Variants in DNAAF11 observed in about 807,000 individuals in gnomAD.
DNAAF11 encodes dynein axonemal assembly factor 11, also known as leucine rich repeat containing 6.
DNAAF11 carries 45 observed loss-of-function variants against 60.8 expected under a neutral mutation model. The observed-to-expected ratio is 0.74, with a 90% CI of 0.58 to 0.95. The LOEUF (loss-of-function observed/expected upper bound fraction) is 0.95, where lower values mean the gene tolerates loss of function less well. Among genes scored for constraint, DNAAF11 ranks in the 40% least tolerant of loss-of-function variants. The probability of loss-of-function intolerance (pLI) is 0.00; values close to 1 mark genes in which losing one functional copy is unlikely to be tolerated. For missense variants in DNAAF11, 546 were observed against 546.2 expected, an observed-to-expected ratio of 1.00 and a Z score of 0.00; for synonymous variants, 191 against 183.5, an observed-to-expected ratio of 1.04 and a Z score of -0.33.
chr8:132,575,187 G>GC (rs1814612443), intron 11 of DNAAF11, among the ~76,000 whole-genome samples: 1 of 152,112 alleles, frequency 6.6e-6, no homozygotes, highest in South Asian at 2.1e-4. Flanking sequence ...TAAGCTGTTG[G>GC]CCCTTGTGAA....
chr8:132,651,002 T>G (rs1204512825), intron 3 of DNAAF11, among the ~76,000 whole-genome samples: 1 of 152,228 alleles, frequency 6.6e-6, no homozygotes, highest in Non-Finnish European at 1.5e-5. Flanking sequence ...TATGAACAAT[T>G]CTTGCCAAAC....
chr8:132,595,037 C>T (rs898241337), intron 10 of DNAAF11, among the ~76,000 whole-genome samples: 1 of 152,118 alleles, frequency 6.6e-6, no homozygotes, highest in Non-Finnish European at 1.5e-5. Context: ...CCTTCACCTT[C>T]CACCATGATC....
chr8:132,668,670 T>C (rs1190954771), intron 1 of DNAAF11, among the ~76,000 whole-genome samples: 2 of 152,016 alleles, frequency 1.3e-5, no homozygotes, highest in Non-Finnish European at 2.9e-5. Flanking sequence ...TCTCGATCTC[T>C]TGACCTCATG....
chr8:132,590,930 C>A (rs1395754649), intron 10 of DNAAF11, among the ~76,000 whole-genome samples: 1 of 152,206 alleles, frequency 6.6e-6, no homozygotes, highest in African/African-American at 2.4e-5. Flanking sequence ...CTTTGATCTA[C>A]AGATGAGAGT....
At chr8:132,646,683 G>C (rs1822424607) in intron 3 of DNAAF11, among the ~76,000 whole-genome samples, 1 of 152,094 alleles carries the variant, frequency 6.6e-6, no homozygotes, top group Non-Finnish European at 1.5e-5. Context: ...CAAAAAGCAA[G>C]GGTTGCAATC....
intron 3 of DNAAF11, among the ~76,000 whole-genome samples, chr8:132,649,889 G>C (rs1161914640): frequency 1.3e-5 from 2 of 152,178 alleles, no homozygotes; most frequent in Non-Finnish European, 2.9e-5. Flanking sequence ...AGAGGATGTG[G>C]AGAAATAGGA....
At chr8:132,611,078 A>G (rs1818615159) in intron 9 of DNAAF11, among the ~76,000 whole-genome samples, 1 of 151,942 alleles carries the variant, frequency 6.6e-6, no homozygotes, top group African/African-American at 2.4e-5. Flanking sequence ...AGTTTTAGTA[A>G]AGACAGTATT....
chr8:132,572,230 T>C lies in DNAAF11; in HGVS notation c.*76A>G. 1 of 1,177,176 alleles carries C rather than the reference T, an allele frequency of 8.5e-7. No individual in the cohort carries two copies. Among genetic ancestry groups the C allele is most frequent in the Non-Finnish European group, 1.2e-6 (1 of 837,534 alleles). The allele number at this position is 1,177,176 out of a possible 1,614,324, so 72.9% of individuals were successfully genotyped here. On this transcript the variant is annotated 3_prime_UTR_variant, in exon 12 of 12. Transcript: ENST00000620350. ...AATAACTCTGTGTTTATCCCAGGAA[T>C]AATATGCATATGGTCTCTACACCAA...
At chr8:132,646,613 A>T (rs1822416249) in intron 3 of DNAAF11, among the ~76,000 whole-genome samples, 1 of 152,226 alleles carries the variant, frequency 6.6e-6, no homozygotes, top group Non-Finnish European at 1.5e-5. Context: ...AGAGACACAC[A>T]TTGGCTCAAA....
upstream of DNAAF11, among the ~76,000 whole-genome samples, chr8:132,678,372 C>T (rs1825818947): frequency 6.6e-6 from 1 of 152,190 alleles, no homozygotes; most frequent in African/African-American, 2.4e-5. Flanking sequence ...AATGTTATTT[C>T]TGTAAACCAG....
intron 10 of DNAAF11, among the ~76,000 whole-genome samples, chr8:132,593,475 TAAC>T (rs1816693360): frequency 2.7e-5 from 4 of 150,654 alleles, no homozygotes; most frequent in South Asian, 4.2e-4. Context: ...GCAAACTTAA[TAAC>T]GTTAAGATGT....
At chr8:132,673,282 GT>G (rs1825366446) in intron 1 of DNAAF11, among the ~76,000 whole-genome samples, 1 of 152,180 alleles carries the variant, frequency 6.6e-6, no homozygotes, top group African/African-American at 2.4e-5. Context: ...AGAGATGTCA[GT>G]AATCCTTCCC....
intron 11 of DNAAF11, among the ~76,000 whole-genome samples, chr8:132,572,843 A>G (rs1315459583): frequency 4.6e-5 from 7 of 152,220 alleles, no homozygotes; most frequent in Admixed American, 4.6e-4. Context: ...GAATCCTTCC[A>G]GGCAGCTCTT....
intron 10 of DNAAF11, among the ~76,000 whole-genome samples, chr8:132,608,028 T>C (rs902067753): frequency 1.3e-5 from 2 of 152,202 alleles, no homozygotes; most frequent in African/African-American, 4.8e-5. Context: ...AATGTTTCAA[T>C]CAATAATAAT....
At chr8:132,634,222 T>C (rs1340749820) in intron 4 of DNAAF11, among the ~76,000 whole-genome samples, 1 of 152,222 alleles carries the variant, frequency 6.6e-6, no homozygotes, top group Non-Finnish European at 1.5e-5. Flanking sequence ...TCTGAGCTTC[T>C]TGGCAGCCAA....
chr8:132,616,923 G>A (rs55992890), intron 7 of DNAAF11, among the ~76,000 whole-genome samples: 9,370 of 152,138 alleles, frequency 0.062, 383 homozygotes, highest in South Asian at 0.084. Context: ...GGGTTGGACC[G>A]CTCAATCTAG....
intron 10 of DNAAF11, among the ~76,000 whole-genome samples, chr8:132,607,147 A>C (rs1211856640): frequency 6.6e-6 from 1 of 152,182 alleles, no homozygotes; most frequent in Non-Finnish European, 1.5e-5. Context: ...TGCTCTATGC[A>C]GGTGTACCAC....
intron 2 of DNAAF11, 112 bp from the exon 3 acceptor site, chr8:132,657,019 C>T (rs1586714019): frequency 2.1e-6 from 1 of 481,206 alleles, no homozygotes; most frequent in East Asian, 4.0e-5. Context: ...TTATGGTTAT[C>T]AAAACCATGT....
chr8:132,637,804 T>C (rs551245100), intron 4 of DNAAF11, 131 bp downstream of exon 4: 16 of 679,126 alleles, frequency 2.4e-5, no homozygotes, highest in Non-Finnish European at 2.4e-5. Context: ...ATTCAAATAA[T>C]TACTTTGGGC....
Sources: gnomAD v4.1 joint callset for allele counts (sites outside exome capture counted in the v4.1 genomes callset) on GRCh38, gnomAD v4.1.1 for gene constraint, MANE v1.5 for transcripts, NCBI Gene and HGNC (gene_info 2026-07-23, HGNC 2026-07-21) for gene names.